The following AIG1 variants were observed in gnomAD, a reference collection of about 807,000 sequenced individuals.
The protein encoded by AIG1 is androgen induced 1.
Under a neutral mutation model 31.4 loss-of-function variants are expected in AIG1, and 23 were observed. The observed-to-expected ratio is 0.73, with a 90% confidence interval of 0.53 to 1.04. The LOEUF is 1.04. Among genes scored for constraint, AIG1 ranks in the 50% least tolerant of loss-of-function variants. The pLI is 0.00. For missense variants in AIG1, 274 were observed against 295.0 expected, an observed-to-expected ratio of 0.93 and a Z score of 0.52; for synonymous variants, 100 against 110.5, an observed-to-expected ratio of 0.90 and a Z score of 0.60.
chr6:143,194,376 C>G (rs1231993209), intron 3 of AIG1, among the ~76,000 whole-genome samples: 1 of 152,156 alleles, frequency 6.6e-6, no homozygotes, highest in Admixed American at 6.5e-5. Context: ...CATCACCACC[C>G]ACGAGTTCCC....
chr6:143,216,462 C>CT (rs558096929), intron 3 of AIG1, among the ~76,000 whole-genome samples: 4 of 152,178 alleles, frequency 2.6e-5, no homozygotes, highest in Non-Finnish European at 5.9e-5. Context: ...TATGACAAAA[C>CT]TTTCAGGCTG....
At chr6:143,313,527 G>A (rs9373387) in intron 4 of AIG1, among the ~76,000 whole-genome samples, 110,822 of 152,028 alleles carry the variant, frequency 0.73, 42,117 homozygotes, top group East Asian at 1. Flanking sequence ...ATGGAGATAG[G>A]TAGTGGAAGG....
At position 143,284,908 on chromosome 6, in the gene AIG1, A is replaced by G. The variant is rs1349148198; in HGVS notation, c.515+683A>G. The stretch of plus-strand genomic sequence containing the variant: ...AACACTTCAAAAATTATTTATCTTA[A>G]CATAGAGAATTTCTTATTTCTCTTT... On this transcript the variant is annotated intron_variant, in intron 4 of 5. Coordinates refer to ENST00000357847, the MANE Select transcript of AIG1 (RefSeq NM_016108.4). This position sits in a 1 kb window ranked among gnomAD's most constrained non-coding sequence, Gnocchi z 4.4. 6.6e-6 allele frequency among the ~76,000 whole-genome samples: 1 copy of G among 152,186 alleles called. No homozygotes were observed. The highest frequency in any genetic ancestry group is 1.5e-5 in the Non-Finnish European group (1 of 68,038).
At chr6:143,135,845 A>G (rs1453625525) in intron 1 of AIG1, among the ~76,000 whole-genome samples, 1 of 152,204 alleles carries the variant, frequency 6.6e-6, no homozygotes, top group Non-Finnish European at 1.5e-5. Flanking sequence ...TGTGTCTTTT[A>G]CAAAGATATC....
At chr6:143,273,893 C>A (rs1441511336) in intron 3 of AIG1, among the ~76,000 whole-genome samples, 4 of 152,130 alleles carry the variant, frequency 2.6e-5, no homozygotes. Flanking sequence ...CAAACCATAT[C>A]AGTTTCCAAA....
chr6:143,316,288 C>T (rs773911153), intron 4 of AIG1, among the ~76,000 whole-genome samples: 6 of 152,144 alleles, frequency 3.9e-5, no homozygotes, highest in South Asian at 2.1e-4. Context: ...TAAGCTACCA[C>T]AGCACAGTAC....
chr6:143,337,122 T>C lies in AIG1; in HGVS notation c.680-2517T>C, dbSNP rs540659809. On this transcript the variant is annotated intron_variant, in intron 5 of 5. Transcript: ENST00000357847. ...CCCCCACAGCCCTGGGCAATAGTTC[T>C]ACCCTCTACAACCAAGGAGGAGCCA... 7.2e-5 allele frequency among the ~76,000 whole-genome samples: 11 copies of C among 152,354 alleles called. No homozygotes were observed. The South Asian group carries it at 2.3e-3, about 32-fold the overall frequency.
chr6:143,208,911 C>T (rs763595227), intron 3 of AIG1, among the ~76,000 whole-genome samples: 17 of 151,986 alleles, frequency 1.1e-4, no homozygotes, highest in Admixed American at 2.6e-4. Flanking sequence ...CAGAGAGAAG[C>T]GATTGCTGAG....
At chr6:143,149,532 C>CAAAAAAAAAAAA (rs71767812) in intron 2 of AIG1, among the ~76,000 whole-genome samples, 87 of 39,790 alleles carry the variant, frequency 2.2e-3, no homozygotes, top group Non-Finnish European at 3.1e-3. Flanking sequence ...GACTCTGTCT[C>CAAAAAAAAAAAA]AAAAAAAAAA....
intron 3 of AIG1, among the ~76,000 whole-genome samples, chr6:143,168,838 A>G (rs1016997241): frequency 6.6e-6 from 1 of 152,062 alleles, no homozygotes; most frequent in African/African-American, 2.4e-5. Context: ...ATTTTAATGT[A>G]TGTATTTTAT....
intron 3 of AIG1, among the ~76,000 whole-genome samples, chr6:143,220,341 T>G (rs983859123): frequency 1.3e-5 from 2 of 152,196 alleles, no homozygotes; most frequent in African/African-American, 4.8e-5. Context: ...CTACACGCAC[T>G]GAAATGTGAA....
intron 3 of AIG1, among the ~76,000 whole-genome samples, chr6:143,181,339 A>C (rs1169862662): frequency 6.6e-6 from 1 of 152,144 alleles, no homozygotes; most frequent in African/African-American, 2.4e-5. Flanking sequence ...ACCCCCAAAA[A>C]CCAGGAACAA....
At chr6:143,130,396 G>C (rs1783107252) in intron 1 of AIG1, among the ~76,000 whole-genome samples, 1 of 152,008 alleles carries the variant, frequency 6.6e-6, no homozygotes, top group South Asian at 2.1e-4. Flanking sequence ...TGTATGCTTA[G>C]CTTGCTCTGG....
At chr6:143,140,745 GC>G (rs1488239363) in intron 2 of AIG1, among the ~76,000 whole-genome samples, 11 of 152,204 alleles carry the variant, frequency 7.2e-5, no homozygotes, top group Admixed American at 7.2e-4. Context: ...GCATAAAAAT[GC>G]TTATCATGTG....
chr6:143,236,345 C>T (rs1383284567), intron 3 of AIG1, among the ~76,000 whole-genome samples: 1 of 152,238 alleles, frequency 6.6e-6, no homozygotes, highest in Non-Finnish European at 1.5e-5. Flanking sequence ...GTCTGTGACT[C>T]ACGCCATCTG....
chr6:143,334,976 G>T lies in AIG1; in HGVS notation c.679+1531G>T. On this transcript the variant is annotated intron_variant, in intron 5 of 5. Coordinates refer to ENST00000357847, the MANE Select transcript of AIG1 (RefSeq NM_016108.4). This position sits in a 1 kb window ranked among gnomAD's most constrained non-coding sequence, Gnocchi z 5.1. ...ATGAATAATGAAATTAAGGTTTTTT[G>T]AATGATTTGTTTAATTTATGCCATT... 1 of 856,932 alleles carries T rather than the reference G, an allele frequency of 1.2e-6. No individual in the cohort carries two copies. Among genetic ancestry groups the T allele is most frequent in the Non-Finnish European group, 1.7e-6 (1 of 604,126 alleles). 53.1% of individuals were successfully genotyped at this position (856,932 alleles called of 1,614,324 possible). A position where few individuals can be genotyped will look rare whatever the true frequency, so the allele number is the denominator to read the frequency against.
At chr6:143,174,641 T>C (rs917512617) in intron 3 of AIG1, among the ~76,000 whole-genome samples, 1 of 152,208 alleles carries the variant, frequency 6.6e-6, no homozygotes, top group African/African-American at 2.4e-5. Context: ...GGTTGGTTAA[T>C]TCTTATCCAT....
chr6:143,150,156 A>G lies in AIG1; in HGVS notation c.297+13166A>G, dbSNP rs114465668. Among the ~76,000 whole-genome samples, 517 of 152,306 alleles carry G rather than the reference A, an allele frequency of 3.4e-3. 1 individual carries two copies. Among genetic ancestry groups the G allele is most frequent in the African/African-American group, 0.012 (502 of 41,566 alleles). On this transcript the variant is annotated intron_variant, in intron 2 of 5. Transcript: ENST00000357847. ...ATAATTGATTCCTCCACCCATTTTA[A>G]ACAAGGATTTGAGGTGGTGTAAGTC...
intron 4 of AIG1, among the ~76,000 whole-genome samples, chr6:143,289,611 A>G (rs9403481): frequency 0.054 from 8,282 of 152,248 alleles, 271 homozygotes; most frequent in South Asian, 0.1. Flanking sequence ...TCAAAATTCT[A>G]TCTCCCACAA....
Sources: allele counts gnomAD v4.1 joint callset (sites outside exome capture counted in the v4.1 genomes callset), GRCh38; gene constraint gnomAD v4.1.1; non-coding constraint Gnocchi (gnomAD v3.1); transcripts MANE v1.5; gene names NCBI Gene and HGNC (gene_info 2026-07-23, HGNC 2026-07-21).